Variants in TLK2 observed in about 807,000 individuals in gnomAD.
TLK2 encodes serine/threonine-protein kinase tousled-like 2.
TLK2 carries 6 observed loss-of-function variants against 117.3 expected under a neutral mutation model. That is an observed-to-expected ratio of 0.05 (90% CI 0.03 to 0.10). The LOEUF (loss-of-function observed/expected upper bound fraction) is 0.10. TLK2 is among the 10% of genes least tolerant of loss of function. The probability of loss-of-function intolerance (pLI) is 1.00; values close to 1 mark genes in which losing one functional copy is unlikely to be tolerated. For synonymous variants in TLK2, 257 were observed against 316.7 expected (o/e 0.81, Z 2.00); for missense variants, 299 against 901.2 (o/e 0.33, Z 8.56).
At chr17:62,574,291 C>T in intron 12 of TLK2, 1 of 1,532,672 alleles carries the variant, frequency 6.5e-7, no homozygotes, top group Non-Finnish European at 8.7e-7. Flanking sequence ...TTTGGGAAGT[C>T]TCTTCCTTGA....
intron 6 of TLK2, among the ~76,000 whole-genome samples, chr17:62,528,027 CA>C (rs2076496941): frequency 6.6e-6 from 1 of 152,192 alleles, no homozygotes. Flanking sequence ...AGGCATGAGT[CA>C]CCGTGCCCAG....
At chr17:62,541,413 T>C (rs529618988) in intron 7 of TLK2, among the ~76,000 whole-genome samples, 2 of 152,356 alleles carry the variant, frequency 1.3e-5, no homozygotes, top group East Asian at 3.9e-4. Flanking sequence ...ATAGAAGGAC[T>C]GGTTAAATGA....
At chr17:62,595,283 C>CT (rs770158122) in intron 16 of TLK2, among the ~76,000 whole-genome samples, 14,065 of 133,318 alleles carry the variant, frequency 0.11, 1,367 homozygotes, top group African/African-American at 0.26. Context: ...GCCTGGCCCC[C>CT]TTTTTTTTTT....
intron 2 of TLK2, among the ~76,000 whole-genome samples, chr17:62,508,982 C>A (rs2074939138): frequency 6.6e-6 from 1 of 152,052 alleles, no homozygotes; most frequent in African/African-American, 2.4e-5. Flanking sequence ...ACAACAACAA[C>A]AAAACCAGAA....
intron 2 of TLK2, among the ~76,000 whole-genome samples, chr17:62,493,800 C>G (rs1370173203): frequency 6.6e-6 from 1 of 152,078 alleles, no homozygotes; most frequent in African/African-American, 2.4e-5. Context: ...CTCTGTCACC[C>G]AGGCTGGAGT....
chr17:62,556,635 A>G lies in TLK2; in HGVS notation c.720+2880A>G, dbSNP rs187366688. 2.2e-3 allele frequency among the ~76,000 whole-genome samples: 335 copies of G among 152,298 alleles called. 2 individuals carry two copies. The highest frequency in any genetic ancestry group is 0.01 in the Middle Eastern group (3 of 294). On this transcript the variant is annotated intron_variant, in intron 9 of 21. Transcript: ENST00000346027. ...AGCATTTCGTATTTCAGAGAGGTTC[A>G]TGACCAAAGCAGCAAACACCATAAT...
At chr17:62,580,051 G>A in intron 14 of TLK2, 60 bp from the exon 15 acceptor site, 1 of 1,387,554 alleles carries the variant, frequency 7.2e-7, no homozygotes, top group Non-Finnish European at 1.0e-6. Flanking sequence ...TGGGAATTTT[G>A]CAAGCGTGGA....
At chr17:62,573,975 A>G (rs187369764) in intron 12 of TLK2, among the ~76,000 whole-genome samples, 76 of 152,306 alleles carry the variant, frequency 5.0e-4, no homozygotes, top group African/African-American at 1.7e-3. Flanking sequence ...CATATATAGG[A>G]GGAGTAGAAA....
At chr17:62,580,251 T>C in intron 15 of TLK2, 59 bp downstream of exon 15, 1 of 1,291,130 alleles carries the variant, frequency 7.7e-7, no homozygotes, top group Non-Finnish European at 1.1e-6. Flanking sequence ...CCTACCAACT[T>C]GGAGAACATT....
At chr17:62,536,117 A>C in intron 6 of TLK2, 53 bp from the exon 7 acceptor site, 1 of 1,572,356 alleles carries the variant, frequency 6.4e-7, no homozygotes, top group Non-Finnish European at 8.7e-7. Flanking sequence ...ATGTTTGGGC[A>C]GTATCAGATT....
intron 2 of TLK2, among the ~76,000 whole-genome samples, chr17:62,491,159 T>C (rs2073075013): frequency 6.6e-6 from 1 of 152,242 alleles, no homozygotes; most frequent in Admixed American, 6.5e-5. Flanking sequence ...TGTGAACTCT[T>C]GTGTCACTAT....
At chr17:62,531,673 T>G (rs1240384137) in intron 6 of TLK2, among the ~76,000 whole-genome samples, 1 of 152,186 alleles carries the variant, frequency 6.6e-6, no homozygotes, top group Non-Finnish European at 1.5e-5. Flanking sequence ...CAGGGAAAAT[T>G]TTTATTTGCT....
At chr17:62,500,855 T>C (rs968413204) in intron 2 of TLK2, among the ~76,000 whole-genome samples, 1 of 152,148 alleles carries the variant, frequency 6.6e-6, no homozygotes, top group African/African-American at 2.4e-5. Context: ...AAAATAACCT[T>C]TAGGTCAAAG....
intron 6 of TLK2, among the ~76,000 whole-genome samples, chr17:62,529,033 C>T (rs2465431): frequency 0.92 from 139,445 of 152,210 alleles, 65,109 homozygotes; most frequent in East Asian, 1. Context: ...CAAAATAGTT[C>T]AGTTTTGCCA....
In TLK2 at chr17:62,596,645, G is replaced by A; in HGVS notation, c.1521G>A (p.Leu507=). The part of the protein sequence containing the change: ...KELDHPRIVK[L]YDYFSLDTDS... ...TGGATCATCCCAGAATAGTTAAGCT[G>A]TATGATTACTTTTCACTGGATACTG... The change falls in exon 17 of 22, where the codon CTG becomes CTA. Residue 507 remains leucine, a synonymous_variant. Transcript: ENST00000346027. The A allele has an allele frequency of 6.2e-7, 1 of 1,614,142 alleles. No individual in the cohort carries two copies. The highest frequency in any genetic ancestry group is 8.5e-7 in the Non-Finnish European group (1 of 1,180,000).
intron 2 of TLK2, among the ~76,000 whole-genome samples, chr17:62,486,894 C>T (rs1264620414): frequency 6.6e-6 from 1 of 152,242 alleles, no homozygotes; most frequent in Admixed American, 6.5e-5. Context: ...ATGCTTATCA[C>T]ATTGCTCCCA....
intron 13 of TLK2, among the ~76,000 whole-genome samples, chr17:62,578,012 A>T (rs551574027): frequency 1.3e-5 from 2 of 152,280 alleles, no homozygotes. Flanking sequence ...GTGCCATTGC[A>T]CTCCAGCCTG....
chr17:62,596,734 C>A, intron 17 of TLK2, 60 bp downstream of exon 17: 5 of 1,447,616 alleles, frequency 3.5e-6, no homozygotes, highest in South Asian at 1.1e-5. Flanking sequence ...GCTGATTGTT[C>A]ATGGAATAGA....
At chr17:62,492,122 G>A (rs2144715060) in intron 2 of TLK2, among the ~76,000 whole-genome samples, 1 of 152,262 alleles carries the variant, frequency 6.6e-6, no homozygotes, top group East Asian at 1.9e-4. Flanking sequence ...AAAAATTCCA[G>A]TTAAGTATTA....
Sources: allele counts gnomAD v4.1 joint callset (sites outside exome capture counted in the v4.1 genomes callset), GRCh38; gene constraint gnomAD v4.1.1; transcripts MANE v1.5; gene names NCBI Gene and HGNC (gene_info 2026-07-23, HGNC 2026-07-21).